PCDH9: variants seen among roughly 807,000 people sequenced by gnomAD.
PCDH9 encodes protocadherin 9, also known as protocadherin-9.
A neutral mutation model predicts 70.6 loss-of-function variants in PCDH9; 24 were observed. That is an observed-to-expected ratio of 0.34 (90% CI 0.25 to 0.48). The LOEUF is 0.48. Ranked by LOEUF, PCDH9 falls within the 20% of genes least tolerant of loss-of-function variation. The pLI is 0.99. For synonymous variants in PCDH9, 562 were observed against 558.5 expected (o/e 1.01, Z -0.09); for missense variants, 1,281 against 1,503.6 (o/e 0.85, Z 2.45).
intron 4 of PCDH9, among the ~76,000 whole-genome samples, chr13:66,482,331 C>T (rs555513968): frequency 1.2e-4 from 18 of 152,290 alleles, no homozygotes; most frequent in African/African-American, 4.3e-4. Flanking sequence ...AATGTGGCTA[C>T]TGCAGTTCCA....
intron 2 of PCDH9, among the ~76,000 whole-genome samples, chr13:66,998,584 C>G (rs1218726057): frequency 1.3e-5 from 2 of 152,140 alleles, no homozygotes; most frequent in African/African-American, 4.8e-5. Context: ...GTGAAAGAAA[C>G]AAAGTTTTCA....
At chr13:67,120,880 A>G (rs545593292) in intron 2 of PCDH9, among the ~76,000 whole-genome samples, 2 of 152,222 alleles carry the variant, frequency 1.3e-5, no homozygotes, top group East Asian at 1.9e-4. Flanking sequence ...GTTTTTAAAC[A>G]TCGGAAAAAT....
At chr13:66,558,114 C>G (rs1593672662) in intron 4 of PCDH9, among the ~76,000 whole-genome samples, 1 of 152,080 alleles carries the variant, frequency 6.6e-6, no homozygotes, top group Non-Finnish European at 1.5e-5. Flanking sequence ...ATGATTGCAC[C>G]ACTGCACTCC....
intron 3 of PCDH9, among the ~76,000 whole-genome samples, chr13:66,672,731 A>G (rs934630733): frequency 6.6e-6 from 1 of 152,172 alleles, no homozygotes; most frequent in Non-Finnish European, 1.5e-5. Context: ...CATCAGCATG[A>G]CCTGGATGTG....
intron 4 of PCDH9, among the ~76,000 whole-genome samples, chr13:66,534,451 C>T (rs1960601827): frequency 6.6e-6 from 1 of 151,790 alleles, no homozygotes; most frequent in Non-Finnish European, 1.5e-5. Context: ...TCTTTGTATC[C>T]CCATGTGGCA....
Position 66,536,577 on chromosome 13 carries a change from T to C in PCDH9, c.3340+94633A>G, listed in dbSNP as rs74468425. Among the ~76,000 whole-genome samples the C allele has an allele frequency of 4.4e-3, 669 of 152,248 alleles. 28 individuals are homozygous for C. In the East Asian group the frequency reaches 0.085, roughly 19 times the overall value. On this transcript the variant is annotated intron_variant, in intron 4 of 4. Coordinates refer to ENST00000377865, the MANE Select transcript of PCDH9 (RefSeq NM_203487.3). ...AATGAAGAAAGTCTTGATATTTTTG[T>C]ATTTTCAAGACAATACAAATACAAA...
intron 2 of PCDH9, chr13:67,225,103 G>T: frequency 7.9e-7 from 1 of 1,258,462 alleles, no homozygotes; most frequent in Non-Finnish European, 1.0e-6. Flanking sequence ...GGCATATCAG[G>T]ACAGGTTTTT....
At chr13:66,528,032 T>C (rs932591873) in intron 4 of PCDH9, among the ~76,000 whole-genome samples, 2 of 152,136 alleles carry the variant, frequency 1.3e-5, no homozygotes, top group African/African-American at 4.8e-5. Context: ...GAAGTGAAGA[T>C]GTTGTTAGAA....
At chr13:66,772,871 A>T (rs2079830069) in intron 3 of PCDH9, among the ~76,000 whole-genome samples, 1 of 152,012 alleles carries the variant, frequency 6.6e-6, no homozygotes, top group East Asian at 1.9e-4. Flanking sequence ...TTTCTCTATT[A>T]TCTATATAGA....
At chr13:66,784,361 T>C (rs1009625359) in intron 3 of PCDH9, among the ~76,000 whole-genome samples, 1 of 152,112 alleles carries the variant, frequency 6.6e-6, no homozygotes, top group Non-Finnish European at 1.5e-5. Flanking sequence ...CTACCTGGAC[T>C]GAAAAAATGC....
chr13:66,736,595 C>T (rs2079152471), intron 3 of PCDH9, among the ~76,000 whole-genome samples: 1 of 150,674 alleles, frequency 6.6e-6, no homozygotes, highest in South Asian at 2.1e-4. Flanking sequence ...ACGAATATAG[C>T]CTTCTAATAA....
intron 3 of PCDH9, among the ~76,000 whole-genome samples, chr13:66,725,639 T>G (rs995935213): frequency 2.0e-5 from 3 of 152,204 alleles, no homozygotes; most frequent in African/African-American, 7.2e-5. Flanking sequence ...AGTATAATCA[T>G]AACTTTAATA....
At chr13:67,174,404 G>T (rs1184263835) in intron 2 of PCDH9, among the ~76,000 whole-genome samples, 1 of 152,050 alleles carries the variant, frequency 6.6e-6, no homozygotes, top group Non-Finnish European at 1.5e-5. Flanking sequence ...TTTACAGAAA[G>T]CTCAGTTAAG....
chr13:66,550,221 T>G (rs1190922078), intron 4 of PCDH9, among the ~76,000 whole-genome samples: 2 of 152,102 alleles, frequency 1.3e-5, no homozygotes, highest in Middle Eastern at 3.2e-3. Flanking sequence ...TGATTTAAGC[T>G]TCAGGAATAA....
intron 3 of PCDH9, among the ~76,000 whole-genome samples, chr13:66,821,278 G>A (rs2080707542): frequency 6.6e-6 from 1 of 151,922 alleles, no homozygotes. Context: ...TTAGACCTGT[G>A]GGTTAGGAAA....
intron 4 of PCDH9, among the ~76,000 whole-genome samples, chr13:66,456,346 C>T (rs374406095): frequency 1.3e-5 from 2 of 152,080 alleles, no homozygotes; most frequent in African/African-American, 4.8e-5. Flanking sequence ...ACTATAACCT[C>T]GAACTCCTAA....
At chr13:66,574,184 G>A (rs1470686121) in intron 4 of PCDH9, among the ~76,000 whole-genome samples, 1 of 152,164 alleles carries the variant, frequency 6.6e-6, no homozygotes, top group Non-Finnish European at 1.5e-5. Context: ...TCTCCATATT[G>A]CTGAGCCTTA....
At chr13:66,567,230 C>A (rs9540821) in intron 4 of PCDH9, among the ~76,000 whole-genome samples, 51,993 of 151,918 alleles carry the variant, frequency 0.34, 9,327 homozygotes, top group African/African-American at 0.44. Flanking sequence ...ATAGAATCTA[C>A]CTATCTGCTT....
At chr13:66,864,553 A>T (rs568296685) in intron 3 of PCDH9, among the ~76,000 whole-genome samples, 1 of 152,306 alleles carries the variant, frequency 6.6e-6, no homozygotes, top group African/African-American at 2.4e-5. Flanking sequence ...ACACATTTCA[A>T]AATGTATTTG....
Sources: gnomAD v4.1 joint callset for allele counts (sites outside exome capture counted in the v4.1 genomes callset) on GRCh38, gnomAD v4.1.1 for gene constraint, MANE v1.5 for transcripts, NCBI Gene and HGNC (gene_info 2026-07-23, HGNC 2026-07-21) for gene names.